The following PCM1 variants were observed in gnomAD, a reference collection of about 807,000 sequenced individuals.
PCM1 encodes pericentriolar material 1 protein.
Under a neutral mutation model 241.9 loss-of-function variants are expected in PCM1, and 157 were observed. The observed-to-expected ratio is 0.65, with a 90% CI of 0.57 to 0.74. The LOEUF (loss-of-function observed/expected upper bound fraction) is 0.74, where lower values mean the gene tolerates loss of function less well. Among genes scored for constraint, PCM1 ranks in the 30% least tolerant of loss-of-function variants. The probability of loss-of-function intolerance (pLI) is 0.00; values close to 1 mark genes in which losing one functional copy is unlikely to be tolerated. For synonymous variants in PCM1, 1,085 were observed against 784.9 expected (o/e 1.38, Z -6.39); for missense variants, 3,478 against 2,360.1 (o/e 1.47, Z -9.81).
chr8:18,014,354 A>AT (rs1188855687), intron 35 of PCM1, among the ~76,000 whole-genome samples: 1 of 151,300 alleles, frequency 6.6e-6, no homozygotes, highest in Non-Finnish European at 1.5e-5. Flanking sequence ...GAAAGTCCTA[A>AT]TTTTTTAGAA....
chr8:17,932,831 A>G (rs920935042), intron 2 of PCM1, among the ~76,000 whole-genome samples: 36 of 152,238 alleles, frequency 2.4e-4, no homozygotes, highest in African/African-American at 7.2e-4. Context: ...ATCTTTGACT[A>G]TTTTGATAGT....
chr8:17,986,146 TTAAA>T (rs746932509), intron 26 of PCM1, 59 bp downstream of exon 26: 6 of 1,162,814 alleles, frequency 5.2e-6, no homozygotes, highest in Non-Finnish European at 7.0e-6. Context: ...TAAATAAAAG[TTAAA>T]TAGATTATTG....
intron 1 of PCM1, among the ~76,000 whole-genome samples, chr8:17,924,335 A>G (rs889209384): frequency 2.0e-5 from 3 of 152,206 alleles, no homozygotes; most frequent in East Asian, 1.9e-4. Flanking sequence ...ATGAGCAAAC[A>G]TTTTTAAAAT....
chr8:17,950,813 C>G, intron 8 of PCM1, 89 bp downstream of exon 8: 1 of 760,142 alleles, frequency 1.3e-6, no homozygotes, highest in Non-Finnish European at 2.3e-6. Context: ...TACATATCAC[C>G]TGGCATGATT....
rs774497467 is a variant in PCM1 at position 17,963,062 on chromosome 8, C to T, written c.2464-39C>T. 4.0e-6 allele frequency: 6 copies of T among 1,484,216 alleles called. No individual in the cohort carries two copies. The South Asian group carries it at 6.1e-5, about 15-fold the overall frequency. The allele number at this position is 1,484,216 out of a possible 1,614,324, so 91.9% of individuals were successfully genotyped here. The stretch of plus-strand genomic sequence containing the variant: ...TTTACTCTTTTAGGCTACAGCAAAT[C>T]CAAATATTTATTTAACTCTGGTTTC... On this transcript the variant is annotated intron_variant, in intron 16 of 38. Transcript: ENST00000325083.
At chr8:18,013,060 C>G in intron 34 of PCM1, among the ~76,000 whole-genome samples, 1 of 152,144 alleles carries the variant, frequency 6.6e-6, no homozygotes, top group Non-Finnish European at 1.5e-5. Context: ...TTTGGGGAGA[C>G]AGCCAGCATA....
Position 17,947,324 on chromosome 8 carries a change from C to G in PCM1, c.922C>G (p.His308Asp), listed in dbSNP as rs200405638. The G allele has an allele frequency of 3.2e-5, 52 of 1,610,722 alleles. No homozygotes were observed. In the African/African-American group the frequency reaches 6.0e-4, roughly 19 times the overall value. Residue 308 changes from histidine (H) to aspartate (D), a missense_variant, in exon 7 of 39, where the codon CAT becomes GAT. By Grantham distance (81) the His-to-Asp change is moderately conservative. Coordinates refer to ENST00000325083, the MANE Select transcript of PCM1 (RefSeq NM_006197.4). ...GRQAALLALQHKAEQAIAVMD... is the reference protein window; with the variant it reads ...GRQAALLALQDKAEQAIAVMD... ...GCAGGCTGCACTTCTAGCTCTGCAACATAAAGCAGAGCAAGCTATTGCAGT... is the reference window on the plus strand; with the variant it reads ...GCAGGCTGCACTTCTAGCTCTGCAAGATAAAGCAGAGCAAGCTATTGCAGT...
At chr8:17,969,933 A>G (rs952472370) in intron 22 of PCM1, among the ~76,000 whole-genome samples, 185 bp downstream of exon 22, 1 of 152,198 alleles carries the variant, frequency 6.6e-6, no homozygotes, top group Non-Finnish European at 1.5e-5. Flanking sequence ...ACCCTGGTAC[A>G]TTAAAAGTTG....
intron 34 of PCM1, 106 bp from the exon 35 acceptor site, chr8:18,013,858 T>C: frequency 1.5e-6 from 1 of 663,460 alleles, no homozygotes; most frequent in Non-Finnish European, 2.6e-6. Context: ...TTTAAATTTC[T>C]TTGTATGAAG....
intron 36 of PCM1, among the ~76,000 whole-genome samples, chr8:18,015,340 G>A (rs1306301640): frequency 1.3e-5 from 2 of 151,458 alleles, no homozygotes; most frequent in African/African-American, 4.8e-5. Context: ...AAATACTTGA[G>A]CAGAGGAAAG....
intron 9 of PCM1, among the ~76,000 whole-genome samples, chr8:17,954,636 T>A (rs548593532): frequency 6.6e-6 from 1 of 152,110 alleles, no homozygotes; most frequent in Non-Finnish European, 1.5e-5. Context: ...GGAAACCACC[T>A]ACAGGAATTG....
intron 10 of PCM1, chr8:17,955,963 G>C (rs2068203680): frequency 2.7e-6 from 1 of 374,020 alleles, no homozygotes; most frequent in Non-Finnish European, 5.0e-6. Flanking sequence ...GAATCAGACA[G>C]CCCTGAAATT....
chr8:17,955,385 G>C (rs1294367412), intron 9 of PCM1, 85 bp from the exon 10 acceptor site: 1 of 910,558 alleles, frequency 1.1e-6, no homozygotes, highest in East Asian at 2.8e-5. Context: ...TTACTTTTTA[G>C]TTTTCAATAT....
In PCM1 at chr8:17,977,501, C is replaced by G. The variant is rs1379352614; in HGVS notation, c.3944-3090C>G. On this transcript the variant is annotated intron_variant, in intron 23 of 38. Coordinates refer to ENST00000325083, the MANE Select transcript of PCM1 (RefSeq NM_006197.4). ...GGTGATCTGGAAGATGCAAGCAAGGCTTTAGGGTCTGCTGGCTTTTTCCTA... is the reference window on the plus strand; with the variant it reads ...GGTGATCTGGAAGATGCAAGCAAGGGTTTAGGGTCTGCTGGCTTTTTCCTA... Among the ~76,000 whole-genome samples, 4 of 152,270 alleles carry G rather than the reference C, an allele frequency of 2.6e-5. No individual in the cohort carries two copies. In the East Asian group the frequency reaches 7.7e-4, roughly 29 times the overall value.
In PCM1 at chr8:17,957,347, C is replaced by G. The variant is rs769586224; in HGVS notation, c.1730C>G (p.Thr577Arg). Reference protein sequence around the residue: ...QCVSNNRDGRTVNSNCEINNR... With the variant: ...QCVSNNRDGRRVNSNCEINNR... The stretch of plus-strand genomic sequence containing the variant: ...GTTTCTAATAATAGAGATGGGCGAA[C>G]AGTTAATTCTAATTGTGAAATTAAC... Residue 577 changes from threonine (T) to arginine (R), a missense_variant, in exon 12 of 39, where the codon ACA (threonine) becomes AGA (arginine). Physicochemically the swap from Thr to Arg is moderately conservative, Grantham distance 71. Transcript: ENST00000325083. 1.2e-6 allele frequency: 2 copies of G among 1,611,202 alleles called. No homozygotes were observed. Among genetic ancestry groups the G allele is most frequent in the East Asian group, 2.2e-5 (1 of 44,860 alleles).
At chr8:17,978,890 G>T (rs2299598) in intron 23 of PCM1, among the ~76,000 whole-genome samples, 32,276 of 152,074 alleles carry the variant, frequency 0.21, 3,960 homozygotes, top group East Asian at 0.37. Flanking sequence ...ATGATGATTT[G>T]TTACCAGGAA....
At chr8:17,957,820 C>A in intron 13 of PCM1, 45 bp downstream of exon 13, 1 of 1,274,260 alleles carries the variant, frequency 7.8e-7, no homozygotes, top group Non-Finnish European at 1.1e-6. Context: ...TCAAATAGTA[C>A]AGTCTTAAGT....
intron 38 of PCM1, among the ~76,000 whole-genome samples, chr8:18,026,942 CTA>C (rs747813470): frequency 1.2e-4 from 19 of 152,264 alleles, no homozygotes; most frequent in Admixed American, 4.6e-4. Context: ...GAGGTTGCTT[CTA>C]TATAAATATC....
At chr8:18,018,838 A>G (rs111322330) in intron 36 of PCM1, among the ~76,000 whole-genome samples, 21 of 122,902 alleles carry the variant, frequency 1.7e-4, no homozygotes, top group East Asian at 8.1e-4. Context: ...ATATATATAT[A>G]TGTGTGTGTG....
Sources: allele counts gnomAD v4.1 joint callset (sites outside exome capture counted in the v4.1 genomes callset), GRCh38; gene constraint gnomAD v4.1.1; transcripts MANE v1.5; gene names NCBI Gene and HGNC (gene_info 2026-07-23, HGNC 2026-07-21).